TBC1D10C: variants seen among roughly 807,000 people sequenced by gnomAD.
TBC1D10C encodes carabin.
TBC1D10C carries 49 observed loss-of-function variants against 51.0 expected under a neutral mutation model. The ratio of observed to expected loss-of-function variants is 0.96; its 90% confidence interval spans 0.76 to 1.22. The LOEUF is 1.22. Ranked by LOEUF, TBC1D10C falls within the 50% of genes most tolerant of loss-of-function variation. The probability of loss-of-function intolerance (pLI) is 0.00; values close to 1 mark genes in which losing one functional copy is unlikely to be tolerated. For missense variants in TBC1D10C, 541 were observed against 617.5 expected, an observed-to-expected ratio of 0.88 and a Z score of 1.31; for synonymous variants, 281 against 266.7, an observed-to-expected ratio of 1.05 and a Z score of -0.52.
chr11:67,404,142 T>C lies in TBC1D10C; in HGVS notation c.-61T>C, dbSNP rs1163374095. The C allele has an allele frequency of 3.9e-5, 54 of 1,395,400 alleles. No individual in the cohort carries two copies. Among genetic ancestry groups the C allele is most frequent in the Non-Finnish European group, 4.9e-5 (53 of 1,072,218 alleles). The allele number at this position is 1,395,400 out of a possible 1,614,324, so 86.4% of individuals were successfully genotyped here. ...AGCCAGGCCCCAGGCTGGCCGGGAG[T>C]GGCCCCTCACACTGGTTCTCCCCAC... On this transcript the variant is annotated 5_prime_UTR_variant, in exon 1 of 9. Transcript: ENST00000542590.
intron 2 of TBC1D10C, 92 bp downstream of exon 2, chr11:67,405,276 A>G: frequency 6.7e-7 from 1 of 1,497,162 alleles, no homozygotes; most frequent in Non-Finnish European, 9.1e-7. Flanking sequence ...CCTGTGTCCC[A>G]GCACCTCCGG....
rs781113786 is a variant in TBC1D10C, at chr11:67,409,453, AGGCCCAGCT to A, written c.1051_1059del (p.Ala351_Leu353del). 81 of 1,549,114 alleles carry A rather than the reference AGGCCCAGCT, an allele frequency of 5.2e-5. No homozygotes were observed. In the Admixed American group the frequency reaches 1.3e-3, roughly 25 times the overall value. On this transcript the variant is annotated inframe_deletion, in exon 9 of 9. Coordinates refer to ENST00000542590, the MANE Select transcript of TBC1D10C (RefSeq NM_001369496.1). The stretch of plus-strand genomic sequence containing the variant: ...GAGCGGGACCTGCAGCGGGAGATCA[AGGCCCAGCT>A]GGCCCAGCTGCCCGATTCCGCGCCG...
intron 4 of TBC1D10C, 38 bp downstream of exon 4, chr11:67,405,739 C>T: frequency 1.2e-6 from 2 of 1,608,470 alleles, no homozygotes; most frequent in Non-Finnish European, 8.5e-7. Flanking sequence ...CCCAGCCCCA[C>T]AAGCCCCAGG....
chr11:67,409,944 CAG>C lies in TBC1D10C; in HGVS notation c.*193_*194del, dbSNP rs1863386035. On this transcript the variant is annotated 3_prime_UTR_variant, in exon 9 of 9. Transcript: ENST00000542590. ...CAGGCACTAGCATGGAGGAGGGTCACAGAGTGGGGCACGTGAGGACCCATGGA... is the reference window on the plus strand; with the variant it reads ...CAGGCACTAGCATGGAGGAGGGTCACAGTGGGGCACGTGAGGACCCATGGA... 5.1e-6 allele frequency: 3 copies of C among 588,492 alleles called. No homozygotes were observed. The highest frequency in any genetic ancestry group is 6.7e-5 in the Admixed American group (2 of 29,828). The allele number at this position is 588,492 out of a possible 1,614,324, so 36.5% of individuals were successfully genotyped here.
At chr11:67,408,071 G>A (rs751832990) in intron 7 of TBC1D10C, 5 of 152,262 alleles carry the variant, frequency 3.3e-5, no homozygotes, top group East Asian at 1.9e-4. Flanking sequence ...TCAGAAGGAC[G>A]ATAGTATGAA....
chr11:67,405,441 G>A lies in TBC1D10C; in HGVS notation c.295G>A (p.Ala99Thr), dbSNP rs750006848. The A allele has an allele frequency of 9.3e-6, 15 of 1,613,556 alleles. No individual in the cohort carries two copies. The East Asian group carries it at 1.3e-4, about 14-fold the overall frequency. The change falls in exon 3 of 9, where the codon GCC becomes ACC. Residue 99 changes from alanine (A) to threonine (T), a missense_variant. By Grantham distance (58) the Ala-to-Thr change is moderately conservative (BLOSUM62 0). Coordinates refer to ENST00000542590, the MANE Select transcript of TBC1D10C (RefSeq NM_001369496.1). The part of the protein sequence containing the change: ...CRKGIPSALR[A>T]RCWPLLCGAH... ...GAAAGGCATCCCGTCTGCCCTGCGC[G>A]CCCGATGCTGGCCCCTGTTGTGTGG...
At chr11:67,406,783 C>T (rs1565127377) in intron 6 of TBC1D10C, 44 bp from the exon 7 acceptor site, 1 of 1,609,470 alleles carries the variant, frequency 6.2e-7, no homozygotes, top group East Asian at 2.2e-5. Flanking sequence ...TGAGCCTGGG[C>T]TCTGGGGGTG....
chr11:67,409,533 A>G lies in TBC1D10C; in HGVS notation c.1120A>G (p.Ile374Val), dbSNP rs1055773063. 1.9e-6 allele frequency: 3 copies of G among 1,548,732 alleles called. No homozygotes were observed. In the South Asian group the frequency reaches 3.6e-5, roughly 18 times the overall value. The change falls in exon 9 of 9, where the codon ATC (isoleucine) becomes GTC (valine). Residue 374 changes from isoleucine (I) to valine (V), a missense_variant. Ile to Val is a conservative substitution (Grantham distance 29). Transcript: ENST00000542590. ...GGTCCGCCTCGCCGGGGCCCAAGCC[A>G]TCTTTGAGGCCCAGCAGCTGGCAGG... is the stretch of plus-strand genomic sequence containing the variant. ...PQVRLAGAQA[I>V]FEAQQLAGVR...
intron 7 of TBC1D10C, chr11:67,407,818 G>A (rs1863250935): frequency 1.3e-5 from 2 of 152,298 alleles, no homozygotes; most frequent in Non-Finnish European, 2.9e-5. Context: ...CTTAAAACGT[G>A]GTAGAAATCA....
At chr11:67,408,764 A>T in intron 7 of TBC1D10C, 1 of 527,094 alleles carries the variant, frequency 1.9e-6, no homozygotes, top group African/African-American at 2.0e-5. Context: ...ACAAGATAGT[A>T]ACTCTTCCCC....
chr11:67,407,023 G>T lies in TBC1D10C; in HGVS notation c.838+7G>T. ...GATGCCTTCCTCAGTGAGGGTGAGT[G>T]GGGCAGCCAGTGGCTGGGGCAGGAG... On this transcript the variant is annotated splice_region_variant and intron_variant, in intron 7 of 8. Transcript: ENST00000542590. 6.2e-7 allele frequency: 1 copy of T among 1,607,470 alleles called. No homozygotes were observed. Among genetic ancestry groups the T allele is most frequent in the South Asian group, 1.1e-5 (1 of 90,792 alleles).
At chr11:67,404,924 G>A (rs894326703) in intron 1 of TBC1D10C, 161 bp from the exon 2 acceptor site, 15 of 621,402 alleles carry the variant, frequency 2.4e-5, no homozygotes, top group African/African-American at 3.7e-5. Context: ...TCCTGTCCCC[G>A]TGACAAGCAT....
In TBC1D10C at chr11:67,409,811, C is replaced by T. The variant is rs1323153658; in HGVS notation, c.*57C>T. On this transcript the variant is annotated 3_prime_UTR_variant, in exon 9 of 9. Coordinates refer to ENST00000542590, the MANE Select transcript of TBC1D10C (RefSeq NM_001369496.1). ...AATTGCCTGATGGCTGATGCCGGCC[C>T]GGCAAATAGGCACCGCACTTTACTC... 24 of 1,399,510 alleles carry T rather than the reference C, an allele frequency of 1.7e-5. No homozygotes were observed. Among genetic ancestry groups the T allele is most frequent in the Middle Eastern group, 1.9e-4 (1 of 5,368 alleles). The allele number at this position is 1,399,510 out of a possible 1,614,324, so 86.7% of individuals were successfully genotyped here. A position where few individuals can be genotyped will look rare whatever the true frequency, so the allele number is the denominator to read the frequency against.
chr11:67,406,747 G>T (rs1206281585), intron 6 of TBC1D10C, 55 bp downstream of exon 6: 26 of 1,597,192 alleles, frequency 1.6e-5, no homozygotes, highest in African/African-American at 2.7e-5. Flanking sequence ...CGGTGAGTGG[G>T]TGGGGGTCTG....
At chr11:67,405,227 C>T (rs979110614) in intron 2 of TBC1D10C, 43 bp downstream of exon 2, 2 of 1,541,374 alleles carry the variant, frequency 1.3e-6, no homozygotes, top group East Asian at 2.4e-5. Flanking sequence ...TGGCTCATTC[C>T]TCTCTGCCTC....
At position 67,409,399 on chromosome 11, in the gene TBC1D10C, C is replaced by T; in HGVS notation, c.994-8C>T. The T allele has an allele frequency of 6.5e-7, 1 of 1,547,144 alleles. No individual in the cohort carries two copies. The highest frequency in any genetic ancestry group is 1.4e-5 in the African/African-American group (1 of 73,082). ...CCGGGCAAACGCAGCACCAACTGCT[C>T]CCCACAGGTGCACAGCGTGGTGCTG... is the stretch of plus-strand genomic sequence containing the variant. On this transcript the variant is annotated splice_region_variant and splice_polypyrimidine_tract_variant and intron_variant, in intron 8 of 8. Coordinates refer to ENST00000542590, the MANE Select transcript of TBC1D10C (RefSeq NM_001369496.1).
intron 1 of TBC1D10C, among the ~76,000 whole-genome samples, chr11:67,404,737 C>T (rs191799555): frequency 9.9e-5 from 15 of 152,262 alleles, no homozygotes; most frequent in Non-Finnish European, 1.3e-4. Context: ...AGATCAGACA[C>T]AGACCCAGAC....
intron 6 of TBC1D10C, 32 bp from the exon 7 acceptor site, chr11:67,406,795 C>T (rs927570576): frequency 7.5e-6 from 12 of 1,608,252 alleles, no homozygotes; most frequent in Middle Eastern, 3.3e-4. Context: ...CTGGGGGTGG[C>T]GGTGCTGGCC....
chr11:67,405,751 G>A, intron 4 of TBC1D10C, 50 bp downstream of exon 4: 1 of 1,602,528 alleles, frequency 6.2e-7, no homozygotes, highest in Non-Finnish European at 8.5e-7. Flanking sequence ...AGCCCCAGGT[G>A]CTCCAGCCCA....
Sources: gnomAD v4.1 joint callset for allele counts (sites outside exome capture counted in the v4.1 genomes callset) on GRCh38, gnomAD v4.1.1 for gene constraint, MANE v1.5 for transcripts, NCBI Gene and HGNC (gene_info 2026-07-23, HGNC 2026-07-21) for gene names.